The following AFF2 variants were observed in gnomAD, a reference collection of about 807,000 sequenced individuals.
The protein encoded by AFF2 is ALF transcription elongation factor 2.
A neutral mutation model predicts 76.9 loss-of-function variants in AFF2; 14 were observed. That is an observed-to-expected ratio of 0.18 (90% confidence interval 0.12 to 0.28). AFF2 has a LOEUF of 0.28. Ranked by LOEUF, AFF2 falls within the 10% of genes least tolerant of loss-of-function variation. AFF2 has a pLI of 1.00. For missense variants in AFF2, 868 were observed against 1,001.1 expected (o/e 0.87, Z 1.79); for synonymous variants, 398 against 366.7 (o/e 1.09, Z -0.98).
chrX:148,784,443 CT>C (rs2069786969), intron 3 of AFF2, among the ~76,000 whole-genome samples: 2 of 111,806 alleles, frequency 1.8e-5, no homozygotes, highest in East Asian at 5.7e-4. Flanking sequence ...GTTGGGGATA[CT>C]CTGGAGTCGG....
intron 3 of AFF2, among the ~76,000 whole-genome samples, chrX:148,788,369 A>G (rs2069849405): frequency 8.9e-6 from 1 of 112,224 alleles, no homozygotes; most frequent in African/African-American, 3.2e-5. Flanking sequence ...TTCTCTTTTC[A>G]GCAGTTACAT....
intron 15 of AFF2, among the ~76,000 whole-genome samples, chrX:148,969,391 A>G (rs2072220625): frequency 8.9e-6 from 1 of 112,416 alleles, no homozygotes; most frequent in Non-Finnish European, 1.9e-5. Context: ...CATTGGGGGT[A>G]CGTGAAAAAA....
chrX:148,987,327 C>T (rs782128178), intron 19 of AFF2, 40 bp from the exon 20 acceptor site: 23 of 1,148,564 alleles, frequency 2.0e-5, no homozygotes, highest in Non-Finnish European at 2.4e-5. Flanking sequence ...GTCACTCTTT[C>T]CTACCAGCCT....
chrX:148,940,692 T>C (rs980456480), intron 9 of AFF2, among the ~76,000 whole-genome samples: 2 of 111,584 alleles, frequency 1.8e-5, no homozygotes, highest in Non-Finnish European at 3.8e-5. Context: ...TTGCTATTGA[T>C]CTAGTTGTAA....
intron 9 of AFF2, among the ~76,000 whole-genome samples, chrX:148,930,612 A>T (rs1434691603): frequency 1.8e-5 from 2 of 112,354 alleles, no homozygotes; most frequent in African/African-American, 3.2e-5. Context: ...ATCCCCATTC[A>T]CTACTGGCAT....
At chrX:148,660,847 G>T (rs2054297453) in intron 2 of AFF2, among the ~76,000 whole-genome samples, 1 of 112,552 alleles carries the variant, frequency 8.9e-6, no homozygotes, top group Non-Finnish European at 1.9e-5. Flanking sequence ...CATATAAAGA[G>T]AATAAAGAAA....
At chrX:148,702,031 C>A (rs186567336) in intron 3 of AFF2, among the ~76,000 whole-genome samples, 76 of 111,993 alleles carry the variant, frequency 6.8e-4, no homozygotes, top group Non-Finnish European at 1.2e-3. Context: ...TTTTAGGTTT[C>A]ATTTGATCTT....
chrX:148,865,683 G>A (rs2070897662), intron 7 of AFF2, among the ~76,000 whole-genome samples: 1 of 112,080 alleles, frequency 8.9e-6, no homozygotes, highest in South Asian at 3.8e-4. Context: ...AAAAAATGAG[G>A]CAGAGTGTAG....
intron 19 of AFF2, among the ~76,000 whole-genome samples, chrX:148,986,934 T>G (rs1158368158): frequency 8.9e-6 from 1 of 111,827 alleles, no homozygotes; most frequent in Non-Finnish European, 1.9e-5. Context: ...TCTCTGGTAT[T>G]TGAAGACAAA....
intron 3 of AFF2, among the ~76,000 whole-genome samples, chrX:148,797,112 C>G (rs782256323): frequency 8.9e-6 from 1 of 112,540 alleles, no homozygotes; most frequent in Non-Finnish European, 1.9e-5. Flanking sequence ...CATGCAGGCT[C>G]TGTACCTGTG....
intron 7 of AFF2, among the ~76,000 whole-genome samples, chrX:148,853,908 G>T (rs2070759325): frequency 8.9e-6 from 1 of 111,988 alleles, no homozygotes; most frequent in African/African-American, 3.2e-5. Flanking sequence ...TTTAGTAATA[G>T]TTTTAGCACT....
intron 8 of AFF2, among the ~76,000 whole-genome samples, chrX:148,895,469 A>G (rs2071272242): frequency 9.0e-6 from 1 of 111,405 alleles, no homozygotes; most frequent in Admixed American, 9.5e-5. Flanking sequence ...TGAAGTCTGC[A>G]ATAACATCCT....
intron 3 of AFF2, among the ~76,000 whole-genome samples, chrX:148,682,879 A>G (rs1446734885): frequency 9.0e-6 from 1 of 111,690 alleles, no homozygotes; most frequent in African/African-American, 3.3e-5. Context: ...TAAATACCTA[A>G]ACCTCATGTC....
chrX:148,679,673 C>T (rs2054526383), intron 3 of AFF2, among the ~76,000 whole-genome samples: 1 of 111,489 alleles, frequency 9.0e-6, no homozygotes, highest in South Asian at 3.8e-4. Flanking sequence ...AGAATTACTT[C>T]CCAGATGAGC....
At chrX:148,649,701 A>G (rs1482249502) in intron 1 of AFF2, among the ~76,000 whole-genome samples, 1 of 112,305 alleles carries the variant, frequency 8.9e-6, no homozygotes, top group Non-Finnish European at 1.9e-5. Context: ...AAGTGCCCTT[A>G]CTGCTGATCG....
At chrX:148,783,364 T>G (rs1164406527) in intron 3 of AFF2, among the ~76,000 whole-genome samples, 3 of 111,703 alleles carry the variant, frequency 2.7e-5, no homozygotes, top group East Asian at 2.8e-4. Context: ...TTTTTTTTTA[T>G]TTTTTTGATG....
At chrX:148,827,589 A>G (rs183906099) in intron 4 of AFF2, among the ~76,000 whole-genome samples, 1 of 112,142 alleles carries the variant, frequency 8.9e-6, no homozygotes, top group African/African-American at 3.2e-5. Context: ...ACAATGTGAA[A>G]TCAACAAATC....
At position 148,818,670 on chromosome X, in the gene AFF2, G is replaced by C. The variant is rs184154456; in HGVS notation, c.1086+8750G>C. Among the ~76,000 whole-genome samples, 10 of 111,447 alleles carry C rather than the reference G, an allele frequency of 9.0e-5. No individual in the cohort carries two copies. The East Asian group carries it at 2.3e-3, about 25-fold the overall frequency. ...AGGGATAAGAAGCAGTCAGGGGAAA[G>C]TTCAGAGGTTAGAGGAGACTGGAGA... On this transcript the variant is annotated intron_variant, in intron 4 of 20. Transcript: ENST00000370460.
At position 148,768,550 on chromosome X, in the gene AFF2, A is replaced by G. The variant is rs782575825; in HGVS notation, c.1042-41326A>G. Among the ~76,000 whole-genome samples, 11 of 108,706 alleles carry G rather than the reference A, an allele frequency of 1.0e-4. No individual in the cohort carries two copies. In the South Asian group the frequency reaches 4.3e-3, roughly 42 times the overall value. 94.4% of individuals were successfully genotyped at this position (108,706 alleles called of 115,157 possible). On this transcript the variant is annotated intron_variant, in intron 3 of 20. Coordinates refer to ENST00000370460, the MANE Select transcript of AFF2 (RefSeq NM_002025.4). ...GCCAAAAATGTGTGCATATGCATAC[A>G]CACACACACACACACCCATAAACAC...
Sources: allele counts gnomAD v4.1 joint callset (sites outside exome capture counted in the v4.1 genomes callset), GRCh38; gene constraint gnomAD v4.1.1; transcripts MANE v1.5; gene names NCBI Gene and HGNC (gene_info 2026-07-23, HGNC 2026-07-21).